Variants in TMCO1 observed in about 807,000 individuals in gnomAD.
TMCO1 encodes transmembrane and coiled-coil domains 1.
TMCO1 carries 29 observed loss-of-function variants against 29.3 expected under a neutral mutation model. The observed-to-expected ratio is 0.99, with a 90% CI of 0.74 to 1.35. TMCO1 has a LOEUF of 1.35. Ranked by LOEUF, TMCO1 falls within the 40% of genes most tolerant of loss-of-function variation. The pLI, the probability that TMCO1 is intolerant of heterozygous loss-of-function variation, is 0.00. For synonymous variants in TMCO1, 80 were observed against 77.1 expected (o/e 1.04, Z -0.20); for missense variants, 173 against 225.5 (o/e 0.77, Z 1.49).
At position 165,727,310 on chromosome 1, in the gene TMCO1, C is replaced by T. The variant is rs756172964; in HGVS notation, c.*713G>A. ...TATTTATATTTAATTTTTTTTCAGA[C>T]ATCAGTGTTACTTGCCAAGACCCTC... On this transcript the variant is annotated 3_prime_UTR_variant, in exon 7 of 7. Transcript: ENST00000367881. 2.2e-6 allele frequency: 1 copy of T among 452,230 alleles called. No individual in the cohort carries two copies. The allele number at this position is 452,230 out of a possible 1,614,324, so 28.0% of individuals were successfully genotyped here. A position where few individuals can be genotyped will look rare whatever the true frequency, so the allele number is the denominator to read the frequency against.
downstream of TMCO1, chr1:165,724,971 T>C: frequency 2.2e-6 from 1 of 449,068 alleles, no homozygotes; most frequent in South Asian, 1.6e-5. Context: ...TACCTAGGTG[T>C]TCTTTATTCT....
At chr1:165,746,552 G>A (rs1461175723) in intron 5 of TMCO1, among the ~76,000 whole-genome samples, 1 of 150,524 alleles carries the variant, frequency 6.6e-6, no homozygotes, top group African/African-American at 2.5e-5. Flanking sequence ...CTGGTCCAAG[G>A]TCTAATAACT....
Position 165,768,255 on chromosome 1 carries a change from G to C in TMCO1, c.85C>G (p.Leu29Val). The C allele has an allele frequency of 6.2e-7, 1 of 1,613,924 alleles. No homozygotes were observed. Among genetic ancestry groups the C allele is most frequent in the Non-Finnish European group, 8.5e-7 (1 of 1,179,972 alleles). ...TTGTACTTGTCTGTCCTGTAAACCA[G>C]GACCCAGGTTATGCCTAAAACATTA... Reference protein sequence around the residue: ...ALLAEGITWVLVYRTDKYKRL... With the variant: ...ALLAEGITWVVVYRTDKYKRL... Residue 29 changes from leucine (L) to valine (V), a missense_variant, in exon 2 of 7, where the codon CTG becomes GTG. By Grantham distance (32) the Leu-to-Val change is conservative. Transcript: ENST00000367881.
chr1:165,736,986 T>C (rs1024931257), intron 6 of TMCO1, among the ~76,000 whole-genome samples: 8 of 152,234 alleles, frequency 5.3e-5, no homozygotes, highest in Non-Finnish European at 7.4e-5. Context: ...TTTGTATTTT[T>C]TGTAGAGATG....
chr1:165,739,848 C>T (rs529867486), intron 6 of TMCO1, among the ~76,000 whole-genome samples: 14 of 152,048 alleles, frequency 9.2e-5, no homozygotes, highest in Non-Finnish European at 1.6e-4. Flanking sequence ...CAGTGGCTCA[C>T]GCCTGTAATC....
At chr1:165,732,021 A>T (rs962440820) in intron 6 of TMCO1, among the ~76,000 whole-genome samples, 1 of 152,244 alleles carries the variant, frequency 6.6e-6, no homozygotes, top group Admixed American at 6.5e-5. Flanking sequence ...GGTGAAACCT[A>T]GGTCTTCCAT....
intron 6 of TMCO1, among the ~76,000 whole-genome samples, chr1:165,732,440 A>T (rs1215632777): frequency 6.7e-6 from 1 of 148,662 alleles, no homozygotes; most frequent in Non-Finnish European, 1.5e-5. Flanking sequence ...CTATTTTTTT[A>T]AAAAATCACA....
At chr1:165,766,331 T>A (rs769056132) in intron 2 of TMCO1, among the ~76,000 whole-genome samples, 1 of 152,150 alleles carries the variant, frequency 6.6e-6, no homozygotes, top group Admixed American at 6.5e-5. Flanking sequence ...ATGAATCTTG[T>A]ATTAAGAAGA....
downstream of TMCO1, chr1:165,725,973 A>G (rs1650873341): frequency 1.5e-6 from 1 of 675,276 alleles, no homozygotes; most frequent in Admixed American, 2.0e-5. Context: ...CATAATTTGT[A>G]TATGAAAACC....
chr1:165,760,995 C>T (rs530117138), intron 2 of TMCO1, among the ~76,000 whole-genome samples: 1 of 152,146 alleles, frequency 6.6e-6, no homozygotes, highest in Admixed American at 6.5e-5. Flanking sequence ...CTAAAACCTA[C>T]ATTAAAGAGA....
upstream of TMCO1, chr1:165,768,916 G>C (rs1460101097): frequency 6.5e-7 from 1 of 1,541,608 alleles, no homozygotes; most frequent in Non-Finnish European, 8.7e-7. Flanking sequence ...GCACCGGAAA[G>C]GCTCGTATCG....
chr1:165,768,308 T>C (rs141333677), intron 1 of TMCO1, 39 bp from the exon 2 acceptor site: 1 of 1,582,852 alleles, frequency 6.3e-7, no homozygotes, highest in African/African-American at 1.3e-5. Flanking sequence ...GAGAAATGAC[T>C]GGAATGATCA....
At chr1:165,725,121 A>T, downstream of TMCO1, 1 of 412,434 alleles carries the variant, frequency 2.4e-6, no homozygotes, top group Non-Finnish European at 4.6e-6. Context: ...TCAAACTAGA[A>T]TAAATTAAAA....
At position 165,750,748 on chromosome 1, in the gene TMCO1, A is replaced by C. The variant is rs148499107; in HGVS notation, c.323+1354T>G. Among the ~76,000 whole-genome samples the C allele has an allele frequency of 1.7e-3, 264 of 152,214 alleles. 4 individuals carry two copies. Among genetic ancestry groups the C allele is most frequent in the African/African-American group, 6.2e-3 (256 of 41,534 alleles). On this transcript the variant is annotated intron_variant, in intron 5 of 6. Coordinates refer to ENST00000367881, the MANE Select transcript of TMCO1 (RefSeq NM_019026.6). ...TATATTCAGCCTGGGCAACACAGTGACACCTTGTCTGTACAAAAAACTTTT... is the reference window on the plus strand; with the variant it reads ...TATATTCAGCCTGGGCAACACAGTGCCACCTTGTCTGTACAAAAAACTTTT...
downstream of TMCO1, chr1:165,726,651 A>C (rs1471434723): frequency 6.6e-6 from 3 of 454,638 alleles, no homozygotes; most frequent in Non-Finnish European, 1.3e-5. Context: ...TAGATAATCC[A>C]TAAAACACTC....
At chr1:165,743,663 AT>A (rs1189974737) in intron 5 of TMCO1, among the ~76,000 whole-genome samples, 2 of 151,768 alleles carry the variant, frequency 1.3e-5, no homozygotes, top group Admixed American at 6.6e-5. Context: ...TTTAATATTT[AT>A]TTTTTTTGAG....
rs745957191 is a variant in TMCO1, at chr1:165,748,066, G to A, written c.323+4036C>T. On this transcript the variant is annotated intron_variant, in intron 5 of 6. Coordinates refer to ENST00000367881, the MANE Select transcript of TMCO1 (RefSeq NM_019026.6). ...CTCAGCTACTCAGGAAGCTGAGGCA[G>A]GAGAATCGCTTGAACCCGGGAGGTG... is the stretch of plus-strand genomic sequence containing the variant. Among the ~76,000 whole-genome samples the A allele has an allele frequency of 3.5e-4, 53 of 151,964 alleles. 1 individual carries two copies. Among genetic ancestry groups the A allele is most frequent in the Non-Finnish European group, 6.9e-4 (47 of 68,000 alleles).
chr1:165,753,174 C>G lies in TMCO1; in HGVS notation c.256-1005G>C, dbSNP rs7548595. Among the ~76,000 whole-genome samples the G allele has an allele frequency of 3.3e-5, 5 of 152,104 alleles. No individual in the cohort carries two copies. In the East Asian group the frequency reaches 9.7e-4, roughly 29 times the overall value. On this transcript the variant is annotated intron_variant, in intron 4 of 6. Coordinates refer to ENST00000367881, the MANE Select transcript of TMCO1 (RefSeq NM_019026.6). ...ATGCCAGATACTGAGAACAAAAGGT[C>G]TCTTAAAGAACAAAAGAGCCAGGCA...
chr1:165,732,581 GA>G (rs1289561648), intron 6 of TMCO1, among the ~76,000 whole-genome samples: 1 of 151,278 alleles, frequency 6.6e-6, no homozygotes, highest in Non-Finnish European at 1.5e-5. Flanking sequence ...ACAATGCAAA[GA>G]ATGGACCCTA....
Sources: gnomAD v4.1 joint callset for allele counts (sites outside exome capture counted in the v4.1 genomes callset) on GRCh38, gnomAD v4.1.1 for gene constraint, MANE v1.5 for transcripts, NCBI Gene and HGNC (gene_info 2026-07-23, HGNC 2026-07-21) for gene names.